Variants in NAA35 observed in about 807,000 individuals in gnomAD.
NAA35 encodes the protein N-alpha-acetyltransferase 35, NatC auxiliary subunit, also known as MAK10 homolog, amino-acid N-acetyltransferase subunit.
In NAA35, 18 loss-of-function variants were observed where a neutral mutation model predicts 101.7. The observed-to-expected ratio is 0.18, with a 90% CI of 0.12 to 0.26. NAA35 has a LOEUF of 0.26. Ranked by LOEUF, NAA35 falls within the 10% of genes least tolerant of loss-of-function variation. The pLI, the probability that NAA35 is intolerant of heterozygous loss-of-function variation, is 1.00. For synonymous variants in NAA35, 267 were observed against 273.1 expected (o/e 0.98, Z 0.22); for missense variants, 601 against 886.8 (o/e 0.68, Z 4.09).
At chr9:86,001,049 T>G (rs1156674310) in intron 12 of NAA35, among the ~76,000 whole-genome samples, 1 of 152,206 alleles carries the variant, frequency 6.6e-6, no homozygotes. Flanking sequence ...TTCTTAACAC[T>G]GCTTTAGCTG....
chr9:86,012,961 A>T, intron 15 of NAA35, 85 bp from the exon 16 acceptor site: 1 of 903,136 alleles, frequency 1.1e-6, no homozygotes. Context: ...TTTCCCTTAA[A>T]CCAGATTGTG....
In NAA35 at chr9:86,017,538, T is replaced by C; in HGVS notation, c.1746T>C (p.Tyr582=). The C allele has an allele frequency of 6.2e-7, 1 of 1,613,842 alleles. No individual in the cohort carries two copies. Among genetic ancestry groups the C allele is most frequent in the Non-Finnish European group, 8.5e-7 (1 of 1,179,844 alleles). The change falls in exon 19 of 23, where the codon TAT becomes TAC. Residue 582 remains tyrosine, a synonymous_variant. Coordinates refer to ENST00000361671, the MANE Select transcript of NAA35 (RefSeq NM_024635.4). ...GAGAGATCACAATGAGCCAAGCATA[T>C]CAGAACATGTGTGCTGGAATGTTTA... is the stretch of plus-strand genomic sequence containing the variant. ...LSREITMSQA[Y]QNMCAGMFKT... is the part of the protein sequence containing the mutation.
At chr9:85,964,337 G>T (rs1041355012) in intron 6 of NAA35, among the ~76,000 whole-genome samples, 1 of 152,130 alleles carries the variant, frequency 6.6e-6, no homozygotes, top group African/African-American at 2.4e-5. Context: ...TGACCTGTTA[G>T]TAAGTTGTGC....
chr9:85,963,482 T>G (rs1829614230), intron 6 of NAA35, among the ~76,000 whole-genome samples: 1 of 151,974 alleles, frequency 6.6e-6, no homozygotes, highest in South Asian at 2.1e-4. Context: ...TTGGCCAGGC[T>G]GATCTCGAAC....
At chr9:85,966,526 C>A in intron 6 of NAA35, 1 of 764,826 alleles carries the variant, frequency 1.3e-6, no homozygotes, top group Non-Finnish European at 1.8e-6. Context: ...CCAGGAAATA[C>A]AAATGAAAAT....
chr9:85,971,042 C>T (rs949915947), intron 6 of NAA35, among the ~76,000 whole-genome samples: 1 of 152,206 alleles, frequency 6.6e-6, no homozygotes, highest in Non-Finnish European at 1.5e-5. Context: ...ACTAGGCTCT[C>T]CTTCACTACT....
chr9:85,941,396 T>C, intron 1 of NAA35, 123 bp downstream of exon 1: 15 of 985,274 alleles, frequency 1.5e-5, no homozygotes, highest in Non-Finnish European at 1.8e-5. Context: ...GCCCTCCCGC[T>C]GCGCGTCAGG....
chr9:85,987,994 A>C (rs185178018), intron 11 of NAA35, among the ~76,000 whole-genome samples: 8 of 152,336 alleles, frequency 5.3e-5, no homozygotes, highest in Admixed American at 1.3e-4. Flanking sequence ...AAACATGCAC[A>C]TGTACTGTCT....
chr9:85,989,944 A>T (rs1272408072), intron 11 of NAA35, among the ~76,000 whole-genome samples: 4 of 152,234 alleles, frequency 2.6e-5, no homozygotes, highest in African/African-American at 9.6e-5. Flanking sequence ...GGAGGTAACC[A>T]ATGGCGATAG....
chr9:86,021,179 C>G (rs543021372), intron 22 of NAA35, among the ~76,000 whole-genome samples: 2 of 152,256 alleles, frequency 1.3e-5, no homozygotes, highest in East Asian at 3.9e-4. Flanking sequence ...TCTGCCTATA[C>G]GTTTTCCATC....
At chr9:85,982,358 C>G (rs1830471706) in intron 11 of NAA35, among the ~76,000 whole-genome samples, 2 of 152,146 alleles carry the variant, frequency 1.3e-5, no homozygotes, top group Admixed American at 1.3e-4. Context: ...TCCAGTGAAA[C>G]TGATGTTTTT....
chr9:86,021,871 C>A, intron 22 of NAA35, 30 bp from the exon 23 acceptor site: 3 of 1,535,222 alleles, frequency 2.0e-6, no homozygotes, highest in South Asian at 1.1e-5. Flanking sequence ...TTTGTAGATA[C>A]ATTAATTGAG....
chr9:85,953,151 T>C (rs1289472304), intron 2 of NAA35, among the ~76,000 whole-genome samples: 1 of 151,394 alleles, frequency 6.6e-6, no homozygotes, highest in Non-Finnish European at 1.5e-5. Context: ...AGGTCAAGGC[T>C]GCAATGAGCT....
intron 11 of NAA35, among the ~76,000 whole-genome samples, chr9:85,992,002 G>A (rs563941856): frequency 7.2e-5 from 11 of 151,962 alleles, no homozygotes; most frequent in Admixed American, 3.3e-4. Context: ...GTGAAACCCC[G>A]TCTCTACTAA....
intron 2 of NAA35, among the ~76,000 whole-genome samples, chr9:85,949,355 C>G (rs1185799251): frequency 6.7e-6 from 1 of 149,518 alleles, no homozygotes; most frequent in Non-Finnish European, 1.5e-5. Context: ...AGTGTAATGG[C>G]GCAATCTCGG....
At chr9:85,952,911 A>G (rs1223121458) in intron 2 of NAA35, among the ~76,000 whole-genome samples, 1 of 152,174 alleles carries the variant, frequency 6.6e-6, no homozygotes, top group Non-Finnish European at 1.5e-5. Flanking sequence ...ATTAAACAAC[A>G]TAATATTTAC....
chr9:85,968,304 G>A (rs1022983092), intron 6 of NAA35, among the ~76,000 whole-genome samples: 1 of 152,106 alleles, frequency 6.6e-6, no homozygotes, highest in Non-Finnish European at 1.5e-5. Context: ...TCCGCTTCCC[G>A]GGTTCACGCC....
intron 13 of NAA35, among the ~76,000 whole-genome samples, chr9:86,005,899 A>T (rs1831618260): frequency 6.6e-6 from 1 of 151,952 alleles, no homozygotes. Context: ...CTGGCCAGGC[A>T]TGGTGGCTCA....
At position 85,959,852 on chromosome 9, in the gene NAA35, A is replaced by G. The variant is rs1368070858; in HGVS notation, c.333A>G (p.Thr111=). The G allele has an allele frequency of 1.2e-6, 2 of 1,609,806 alleles. No individual in the cohort carries two copies. The highest frequency in any genetic ancestry group is 1.7e-6 in the Non-Finnish European group (2 of 1,178,074). ...TLPELIGIMD[T]CFCCLITWLE... ...CTGAACTGATAGGGATTATGGATAC[A>G]TGTTTTTGCTGTTTGGTAAGAATGG... The change falls in exon 5 of 23, where the codon ACA becomes ACG. Residue 111 remains threonine, a synonymous_variant. Coordinates refer to ENST00000361671, the MANE Select transcript of NAA35 (RefSeq NM_024635.4).
Sources: allele counts gnomAD v4.1 joint callset (sites outside exome capture counted in the v4.1 genomes callset), GRCh38; gene constraint gnomAD v4.1.1; transcripts MANE v1.5; gene names NCBI Gene and HGNC (gene_info 2026-07-23, HGNC 2026-07-21).